Variants in DCLK2 observed in about 807,000 individuals in gnomAD.
DCLK2 encodes doublecortin like kinase 2.
Under a neutral mutation model 78.4 loss-of-function variants are expected in DCLK2, and 31 were observed. That is an observed-to-expected ratio of 0.40 (90% confidence interval 0.30 to 0.53). The LOEUF (loss-of-function observed/expected upper bound fraction) is 0.53. DCLK2 is among the 20% of genes least tolerant of loss of function. The pLI, the probability that DCLK2 is intolerant of heterozygous loss-of-function variation, is 0.61. For synonymous variants in DCLK2, 407 were observed against 374.9 expected, an observed-to-expected ratio of 1.09 and a Z score of -0.99; for missense variants, 872 against 973.7, an observed-to-expected ratio of 0.90 and a Z score of 1.39.
chr4:150,228,797 C>T (rs1044647439), intron 8 of DCLK2, among the ~76,000 whole-genome samples: 8 of 150,750 alleles, frequency 5.3e-5, no homozygotes, highest in African/African-American at 7.3e-5. Context: ...GAGGCCGAGG[C>T]GGGTGGATCA....
At chr4:150,105,192 T>TCCCA (rs1731168966) in intron 2 of DCLK2, among the ~76,000 whole-genome samples, 1 of 152,070 alleles carries the variant, frequency 6.6e-6, no homozygotes, top group Non-Finnish European at 1.5e-5. Context: ...TGGGAACAGA[T>TCCCA]TTTCTAAGCA....
At position 150,079,470 on chromosome 4, in the gene DCLK2, C is replaced by T. The variant is rs373888164; in HGVS notation, c.421+22C>T. The T allele has an allele frequency of 6.2e-6, 9 of 1,446,336 alleles. No individual in the cohort carries two copies. The East Asian group carries it at 7.8e-5, about 13-fold the overall frequency. 89.6% of individuals were successfully genotyped at this position (1,446,336 alleles called of 1,614,324 possible). A position where few individuals can be genotyped will look rare whatever the true frequency, so the allele number is the denominator to read the frequency against. On this transcript the variant is annotated intron_variant, in intron 1 of 15. Coordinates refer to ENST00000296550, the MANE Select transcript of DCLK2 (RefSeq NM_001040260.4). ...GAAGGTAGGAGGGGAGGGCGCCGCA[C>T]GGCAGGTGCGGCGGAGCGCCGGCAG...
At position 150,108,062 on chromosome 4, in the gene DCLK2, T is replaced by A. The variant is rs559018720; in HGVS notation, c.756+5250T>A. 5.3e-5 allele frequency among the ~76,000 whole-genome samples: 8 copies of A among 152,328 alleles called. No homozygotes were observed. The South Asian group carries it at 1.2e-3, about 24-fold the overall frequency. On this transcript the variant is annotated intron_variant, in intron 2 of 15. Coordinates refer to ENST00000296550, the MANE Select transcript of DCLK2 (RefSeq NM_001040260.4). The stretch of plus-strand genomic sequence containing the variant: ...AAAGTGATATCATGGTTACTGATTT[T>A]CTAAAAACAAAATATATAACCTATG...
chr4:150,082,224 A>T (rs541383382), intron 1 of DCLK2, among the ~76,000 whole-genome samples: 1 of 152,162 alleles, frequency 6.6e-6, no homozygotes, highest in Admixed American at 6.5e-5. Context: ...GTTTTGGTTG[A>T]TTATTTTTAA....
At chr4:150,219,255 A>ATTTTTTT (rs1740981588) in intron 5 of DCLK2, among the ~76,000 whole-genome samples, 1 of 113,522 alleles carries the variant, frequency 8.8e-6, no homozygotes, top group South Asian at 2.7e-4. Flanking sequence ...GTTCACAAAC[A>ATTTTTTT]TTCTTTTTTT....
chr4:150,171,412 C>T (rs950050551), intron 2 of DCLK2, among the ~76,000 whole-genome samples: 17 of 152,216 alleles, frequency 1.1e-4, no homozygotes, highest in Admixed American at 4.6e-4. Context: ...ACCTGGGAGG[C>T]GGAGCTTCCA....
At chr4:150,121,832 G>A (rs755877648) in intron 2 of DCLK2, among the ~76,000 whole-genome samples, 1 of 152,208 alleles carries the variant, frequency 6.6e-6, no homozygotes, top group African/African-American at 2.4e-5. Flanking sequence ...TGAGCTAGCA[G>A]GCATGAAAAC....
In DCLK2 at chr4:150,232,808, A is replaced by G; in HGVS notation, c.1546A>G (p.Ile516Val). 2 of 1,613,040 alleles carry G rather than the reference A, an allele frequency of 1.2e-6. No homozygotes were observed. The highest frequency in any genetic ancestry group is 1.7e-6 in the Non-Finnish European group (2 of 1,179,310). The change falls in exon 10 of 16, where the codon ATC becomes GTC. Residue 516 changes from isoleucine (I) to valine (V), a missense_variant. Physicochemically the swap from Ile to Val is conservative, Grantham distance 29 (BLOSUM62 3). Coordinates refer to ENST00000296550, the MANE Select transcript of DCLK2 (RefSeq NM_001040260.4). ...TGGCCTCAGCATCGTGCACAGAGAC[A>G]TCAAACCAGAGAATCTCTTGGTATG... ...LHGLSIVHRD[I>V]KPENLLVCEY...
chr4:150,100,772 A>T (rs2150151762), intron 1 of DCLK2, among the ~76,000 whole-genome samples: 1 of 152,354 alleles, frequency 6.6e-6, no homozygotes, highest in Admixed American at 6.5e-5. Context: ...ATTTTCCCAG[A>T]TGATCATACT....
At chr4:150,167,728 A>T (rs1048144756) in intron 2 of DCLK2, among the ~76,000 whole-genome samples, 5 of 152,186 alleles carry the variant, frequency 3.3e-5, no homozygotes, top group African/African-American at 1.2e-4. Context: ...AGAGAAGGAC[A>T]GTCTCCCAAC....
At chr4:150,193,846 G>C (rs1344352679) in intron 3 of DCLK2, among the ~76,000 whole-genome samples, 1 of 151,948 alleles carries the variant, frequency 6.6e-6, no homozygotes, top group Non-Finnish European at 1.5e-5. Flanking sequence ...TGTGCTGCTG[G>C]ATTCAAGTAA....
At chr4:150,218,095 T>TC (rs1001172217) in intron 5 of DCLK2, among the ~76,000 whole-genome samples, 3 of 82,708 alleles carry the variant, frequency 3.6e-5, no homozygotes, top group African/African-American at 9.2e-5. Context: ...CCGCCCCCCC[T>TC]CCCCCCACAA....
chr4:150,249,505 G>A, intron 14 of DCLK2, 63 bp from the exon 15 acceptor site: 1 of 1,465,778 alleles, frequency 6.8e-7, no homozygotes, highest in Non-Finnish European at 9.5e-7. Flanking sequence ...GACTCTTAAG[G>A]AAAAGACAAC....
At chr4:150,190,370 G>C (rs1738363091) in intron 2 of DCLK2, among the ~76,000 whole-genome samples, 1 of 152,074 alleles carries the variant, frequency 6.6e-6, no homozygotes, top group South Asian at 2.1e-4. Context: ...AGGCATGGTG[G>C]TAAGAATCAG....
At chr4:150,197,153 C>G (rs1393037739) in intron 3 of DCLK2, among the ~76,000 whole-genome samples, 1 of 126,624 alleles carries the variant, frequency 7.9e-6, no homozygotes, top group African/African-American at 2.8e-5. Context: ...GACTCCGTCT[C>G]AAAAAAAAAA....
chr4:150,172,607 C>CAAA (rs34267089), intron 2 of DCLK2, among the ~76,000 whole-genome samples: 54 of 70,094 alleles, frequency 7.7e-4, no homozygotes, highest in African/African-American at 1.4e-3. Flanking sequence ...GACTCCGTCT[C>CAAA]AAAAAAAAAA....
At chr4:150,198,532 T>A (rs1026479620) in intron 4 of DCLK2, among the ~76,000 whole-genome samples, 1 of 152,226 alleles carries the variant, frequency 6.6e-6, no homozygotes, top group African/African-American at 2.4e-5. Flanking sequence ...GGCTTCTGCC[T>A]CATCAAATGA....
chr4:150,219,644 C>T (rs1260916829), intron 5 of DCLK2, among the ~76,000 whole-genome samples: 1 of 152,148 alleles, frequency 6.6e-6, no homozygotes, highest in African/African-American at 2.4e-5. Flanking sequence ...GTTAGTGTTA[C>T]GTGTCAGAGA....
chr4:150,105,794 A>T (rs529390228), intron 2 of DCLK2, among the ~76,000 whole-genome samples: 1 of 152,124 alleles, frequency 6.6e-6, no homozygotes, highest in African/African-American at 2.4e-5. Flanking sequence ...AAAATGTTAA[A>T]TGGAAAAAGC....
Sources: allele counts gnomAD v4.1 joint callset (sites outside exome capture counted in the v4.1 genomes callset), GRCh38; gene constraint gnomAD v4.1.1; transcripts MANE v1.5; gene names NCBI Gene and HGNC (gene_info 2026-07-23, HGNC 2026-07-21).